The following PGCKA1 variants were observed in gnomAD, a reference collection of about 807,000 sequenced individuals.
The protein encoded by PGCKA1 is PDCD10 and GCKIII kinases-associated protein 1.
chr4:37,576,232 C>G, the PGCKA1 span, among the ~76,000 whole-genome samples: 1 of 152,126 alleles, frequency 6.6e-6, no homozygotes, highest in East Asian at 1.9e-4. Context: ...AAATATCTTT[C>G]TAATTTTTGT....
the PGCKA1 span, among the ~76,000 whole-genome samples, chr4:37,580,295 C>T: frequency 2.6e-4 from 34 of 132,640 alleles, no homozygotes; most frequent in East Asian, 2.2e-3. Flanking sequence ...TTAGTTCTTT[C>T]GGTGAGGTCA....
At chr4:37,576,900 T>C in the PGCKA1 span, among the ~76,000 whole-genome samples, 1 of 152,260 alleles carries the variant, frequency 6.6e-6, no homozygotes, top group Admixed American at 6.5e-5. Flanking sequence ...TGTTGAACCA[T>C]CCTTCCATCC....
chr4:37,572,218 A>G, the PGCKA1 span, among the ~76,000 whole-genome samples: 1 of 149,930 alleles, frequency 6.7e-6, no homozygotes, highest in Non-Finnish European at 1.5e-5. Context: ...GCCCGCCACT[A>G]CGCCCGGCTA....
the PGCKA1 span, among the ~76,000 whole-genome samples, chr4:37,525,044 C>G: frequency 1.3e-5 from 2 of 152,122 alleles, no homozygotes; most frequent in Non-Finnish European, 2.9e-5. Flanking sequence ...TCCGAAGAAA[C>G]TAAAACTGAA....
chr4:37,470,082 A>G, the PGCKA1 span, among the ~76,000 whole-genome samples: 3 of 152,220 alleles, frequency 2.0e-5, no homozygotes, highest in African/African-American at 7.2e-5. Context: ...CCCAAATTAA[A>G]ACTGCCATGA....
At chr4:37,537,660 A>T in the PGCKA1 span, among the ~76,000 whole-genome samples, 2 of 152,254 alleles carry the variant, frequency 1.3e-5, no homozygotes, top group African/African-American at 4.8e-5. Flanking sequence ...TCTCTCTTTG[A>T]CAGGAAGTCC....
At chr4:37,579,721 T>A in the PGCKA1 span, among the ~76,000 whole-genome samples, 3 of 152,348 alleles carry the variant, frequency 2.0e-5, no homozygotes, top group South Asian at 6.2e-4. Flanking sequence ...CCTTGACCTT[T>A]GGGAGTTTGA....
At chr4:37,456,433 G>C in the PGCKA1 span, among the ~76,000 whole-genome samples, 1 of 152,128 alleles carries the variant, frequency 6.6e-6, no homozygotes. Context: ...AAAACACCAA[G>C]CCAATGAATA....
the PGCKA1 span, among the ~76,000 whole-genome samples, chr4:37,567,059 G>A: frequency 2.9e-5 from 4 of 138,916 alleles, no homozygotes. Flanking sequence ...TAATCCAGCG[G>A]ACAAAAAAAA....
At chr4:37,542,902 C>G in the PGCKA1 span, among the ~76,000 whole-genome samples, 1 of 152,106 alleles carries the variant, frequency 6.6e-6, no homozygotes, top group Non-Finnish European at 1.5e-5. Flanking sequence ...GGGCTGTGAT[C>G]CCTACTAGCA....
the PGCKA1 span, among the ~76,000 whole-genome samples, chr4:37,526,775 G>GACAATGAT: frequency 1.6e-4 from 24 of 152,076 alleles, no homozygotes; most frequent in Admixed American, 5.9e-4. Context: ...GTACATACTT[G>GACAATGAT]ACAATGATCA....
At chr4:37,545,690 A>G in the PGCKA1 span, among the ~76,000 whole-genome samples, 1 of 152,140 alleles carries the variant, frequency 6.6e-6, no homozygotes, top group Non-Finnish European at 1.5e-5. Context: ...TGTCCTGTCC[A>G]TCACCTTTCT....
chr4:37,590,405 A>G, the PGCKA1 span: 1 of 1,613,564 alleles, frequency 6.2e-7, no homozygotes, highest in Non-Finnish European at 8.5e-7. Context: ...AGCCCCACCC[A>G]GGATGACAGG....
At chr4:37,513,098 A>AAAG in the PGCKA1 span, among the ~76,000 whole-genome samples, 2 of 112,850 alleles carry the variant, frequency 1.8e-5, no homozygotes, top group African/African-American at 7.4e-5. Flanking sequence ...TCAAAAAAAA[A>AAAG]AAAGAAAGAA....
chr4:37,509,572 A>C, the PGCKA1 span, among the ~76,000 whole-genome samples: 1 of 151,920 alleles, frequency 6.6e-6, no homozygotes, highest in Non-Finnish European at 1.5e-5. Flanking sequence ...GCGGCCGGGC[A>C]GAGGCTGCAA....
chr4:37,502,999 A>G, the PGCKA1 span, among the ~76,000 whole-genome samples: 1 of 152,122 alleles, frequency 6.6e-6, no homozygotes, highest in Admixed American at 6.5e-5. Context: ...AAAGTCTCCT[A>G]TGGAAGCAAG....
the PGCKA1 span, among the ~76,000 whole-genome samples, chr4:37,580,613 TTC>T: frequency 6.6e-6 from 1 of 152,220 alleles, no homozygotes; most frequent in Non-Finnish European, 1.5e-5. Context: ...AAACAAAAGT[TTC>T]TCTCTCTGTA....
the PGCKA1 span, among the ~76,000 whole-genome samples, chr4:37,487,939 G>A: frequency 6.6e-6 from 1 of 152,188 alleles, no homozygotes; most frequent in African/African-American, 2.4e-5. Context: ...CTACACCACA[G>A]TGTTTTTTAC....
At chr4:37,477,552 A>G in the PGCKA1 span, among the ~76,000 whole-genome samples, 1 of 152,224 alleles carries the variant, frequency 6.6e-6, no homozygotes, top group Non-Finnish European at 1.5e-5. Context: ...AAGGCACATG[A>G]ATTGTATCTC....
Sources: allele counts gnomAD v4.1 joint callset (sites outside exome capture counted in the v4.1 genomes callset), GRCh38; gene constraint gnomAD v4.1.1; transcripts MANE v1.5; gene names NCBI Gene and HGNC (gene_info 2026-07-23, HGNC 2026-07-21).